The following SLC25A12 variants were observed in gnomAD, a reference collection of about 807,000 sequenced individuals.
SLC25A12 encodes electrogenic aspartate/glutamate antiporter SLC25A12, mitochondrial.
SLC25A12 carries 32 observed loss-of-function variants against 83.3 expected under a neutral mutation model. That is an observed-to-expected ratio of 0.38 (90% CI 0.29 to 0.52). The LOEUF is 0.52. Ranked by LOEUF, SLC25A12 falls within the 20% of genes least tolerant of loss-of-function variation. The pLI is 0.84. For synonymous variants in SLC25A12, 267 were observed against 291.1 expected (o/e 0.92, Z 0.84); for missense variants, 611 against 835.6 (o/e 0.73, Z 3.31).
At chr2:171,843,945 G>A (rs1053965620) in intron 5 of SLC25A12, among the ~76,000 whole-genome samples, 7 of 151,888 alleles carry the variant, frequency 4.6e-5, no homozygotes, top group Admixed American at 1.3e-4. Context: ...ACAGGCGCCC[G>A]CCACCACACC....
chr2:171,853,573 C>T (rs544611545), intron 4 of SLC25A12, among the ~76,000 whole-genome samples: 2 of 151,982 alleles, frequency 1.3e-5, no homozygotes, highest in East Asian at 1.9e-4. Context: ...CCCAGGTACT[C>T]GGGAAGCTGA....
Position 171,894,237 on chromosome 2 carries a change from G to T in SLC25A12, c.-23C>A. ...CATGCTGTGCTCGGAAGCCGGGGAC[G>T]AGCGAGTGAGCGAGCAGGGCCGAGC... is the stretch of plus-strand genomic sequence containing the variant. On this transcript the variant is annotated 5_prime_UTR_variant, in exon 1 of 18. Coordinates refer to ENST00000422440, the MANE Select transcript of SLC25A12 (RefSeq NM_003705.5). 6.2e-7 allele frequency: 1 copy of T among 1,605,782 alleles called. No homozygotes were observed. Among genetic ancestry groups the T allele is most frequent in the Admixed American group, 1.7e-5 (1 of 59,172 alleles).
intron 2 of SLC25A12, among the ~76,000 whole-genome samples, chr2:171,885,922 G>C (rs996320133): frequency 2.6e-5 from 4 of 152,060 alleles, no homozygotes; most frequent in African/African-American, 9.7e-5. Context: ...CATATACATT[G>C]AGACTATTTT....
intron 2 of SLC25A12, among the ~76,000 whole-genome samples, chr2:171,883,985 C>G (rs1292160906): frequency 6.6e-6 from 1 of 151,878 alleles, no homozygotes; most frequent in South Asian, 2.1e-4. Context: ...CTCAGCCTTC[C>G]TAGTAGCTAG....
At chr2:171,865,350 T>A (rs942073093) in intron 3 of SLC25A12, among the ~76,000 whole-genome samples, 1 of 152,206 alleles carries the variant, frequency 6.6e-6, no homozygotes, top group Non-Finnish European at 1.5e-5. Context: ...ATAGTTTAAT[T>A]ATACAACTAG....
chr2:171,861,811 C>T (rs1489186361), intron 3 of SLC25A12, among the ~76,000 whole-genome samples: 4 of 152,160 alleles, frequency 2.6e-5, no homozygotes, highest in African/African-American at 4.8e-5. Flanking sequence ...AAACCACAAG[C>T]TACTAACTGT....
At chr2:171,788,199 A>G (rs765837414) in intron 15 of SLC25A12, 5 of 400,724 alleles carry the variant, frequency 1.2e-5, no homozygotes, top group Non-Finnish European at 2.2e-5. Context: ...ATCCCAAATA[A>G]CTGTGAGAGA....
rs182857166 is a variant in SLC25A12 at position 171,841,311 on chromosome 2, C to T, written c.465+3058G>A. Among the ~76,000 whole-genome samples the T allele has an allele frequency of 2.6e-5, 4 of 152,200 alleles. No homozygotes were observed. The East Asian group carries it at 5.8e-4, about 22-fold the overall frequency. On this transcript the variant is annotated intron_variant, in intron 5 of 17. Coordinates refer to ENST00000422440, the MANE Select transcript of SLC25A12 (RefSeq NM_003705.5). ...GCCAGGCTGATCTTGAACTCCTGAC[C>T]TCAAGTGATCAGCCCGCCTTGGCCC... is the stretch of plus-strand genomic sequence containing the variant.
intron 4 of SLC25A12, among the ~76,000 whole-genome samples, chr2:171,849,659 T>G (rs1684878395): frequency 6.6e-6 from 1 of 151,362 alleles, no homozygotes; most frequent in Non-Finnish European, 1.5e-5. Flanking sequence ...CCTCCCGGGT[T>G]CACGCCATTC....
intron 2 of SLC25A12, among the ~76,000 whole-genome samples, chr2:171,884,459 C>T (rs1180600260): frequency 6.6e-6 from 1 of 151,198 alleles, no homozygotes; most frequent in Non-Finnish European, 1.5e-5. Context: ...AATTGTCCAC[C>T]TCGCCCCTAG....
In SLC25A12 at chr2:171,866,072, T is replaced by A. The variant is rs1573993657; in HGVS notation, c.209+2609A>T. On this transcript the variant is annotated intron_variant, in intron 3 of 17. Transcript: ENST00000422440. Reference sequence around the variant, plus strand: ...AACGAGCATGCTGCCTTCAAGCATCTGTTTAACAAAGCACATCTTGCACCG... The same window carrying A: ...AACGAGCATGCTGCCTTCAAGCATCAGTTTAACAAAGCACATCTTGCACCG... Among the ~76,000 whole-genome samples, 5 of 134,670 alleles carry A rather than the reference T, an allele frequency of 3.7e-5. 2 individuals are homozygous for A. The highest frequency in any genetic ancestry group is 1.4e-4 in the African/African-American group (5 of 35,232). 88.3% of individuals were successfully genotyped at this position (134,670 alleles called of 152,430 possible). A position where few individuals can be genotyped will look rare whatever the true frequency, so the allele number is the denominator to read the frequency against.
Position 171,787,556 on chromosome 2 carries a change from G to A in SLC25A12, c.1835+15C>T. 3 of 1,593,222 alleles carry A rather than the reference G, an allele frequency of 1.9e-6. No homozygotes were observed. The South Asian group carries it at 3.3e-5, about 18-fold the overall frequency. On this transcript the variant is annotated intron_variant, in intron 17 of 17. Transcript: ENST00000422440. ...TTAGTGATTTCTTTGTAAAGGAGTT[G>A]AGCAGCTGACTTACAGGCCTCCAAA...
chr2:171,813,216 A>T (rs1683983433), intron 11 of SLC25A12, 123 bp downstream of exon 11: 1 of 955,396 alleles, frequency 1.0e-6, no homozygotes, highest in Non-Finnish European at 1.7e-6. Context: ...AGAAAATAAA[A>T]AGAGAGAAAC....
chr2:171,866,793 G>A (rs867423922), intron 3 of SLC25A12, among the ~76,000 whole-genome samples: 143 of 147,794 alleles, frequency 9.7e-4, no homozygotes, highest in Middle Eastern at 3.6e-3. Flanking sequence ...TCCCGGACGG[G>A]GCGGCTGGCC....
At chr2:171,837,748 G>C (rs894132666) in intron 5 of SLC25A12, among the ~76,000 whole-genome samples, 1 of 152,086 alleles carries the variant, frequency 6.6e-6, no homozygotes, top group Non-Finnish European at 1.5e-5. Context: ...AAATGAATTA[G>C]AGACCATTTT....
chr2:171,862,600 A>T (rs1308106043), intron 3 of SLC25A12, among the ~76,000 whole-genome samples: 1 of 152,218 alleles, frequency 6.6e-6, no homozygotes, highest in Non-Finnish European at 1.5e-5. Context: ...AGGATTGCAG[A>T]GCACAAAAGA....
chr2:171,875,866 T>C (rs866370480), intron 2 of SLC25A12, among the ~76,000 whole-genome samples: 1 of 138,676 alleles, frequency 7.2e-6, no homozygotes, highest in African/African-American at 2.7e-5. Context: ...TGAGCCAAGA[T>C]TGCGCCACTG....
At chr2:171,801,888 A>C (rs534992875) in intron 13 of SLC25A12, among the ~76,000 whole-genome samples, 1 of 147,288 alleles carries the variant, frequency 6.8e-6, no homozygotes, top group African/African-American at 2.5e-5. Flanking sequence ...CCTCATTGGA[A>C]GTCGAGGAAT....
intron 13 of SLC25A12, among the ~76,000 whole-genome samples, chr2:171,799,261 A>G (rs1186464696): frequency 2.0e-5 from 3 of 152,238 alleles, no homozygotes; most frequent in Non-Finnish European, 4.4e-5. Flanking sequence ...TAAGACAGCA[A>G]GAATGAAAAT....
Sources: allele counts gnomAD v4.1 joint callset (sites outside exome capture counted in the v4.1 genomes callset), GRCh38; gene constraint gnomAD v4.1.1; transcripts MANE v1.5; gene names NCBI Gene and HGNC (gene_info 2026-07-23, HGNC 2026-07-21).